The following KCNQ5 variants were observed in gnomAD, a reference collection of about 807,000 sequenced individuals.
The protein encoded by KCNQ5 is potassium voltage-gated channel subfamily Q member 5.
Under a neutral mutation model 98.2 loss-of-function variants are expected in KCNQ5, and 30 were observed. That is an observed-to-expected ratio of 0.31 (90% CI 0.23 to 0.41). The LOEUF is 0.41. KCNQ5 is among the 10% of genes least tolerant of loss of function. KCNQ5 has a pLI of 1.00. For missense variants in KCNQ5, 835 were observed against 1,182.5 expected, an observed-to-expected ratio of 0.71 and a Z score of 4.31; for synonymous variants, 458 against 449.4, an observed-to-expected ratio of 1.02 and a Z score of -0.24.
chr6:72,769,306 T>G (rs1772738758), intron 1 of KCNQ5, among the ~76,000 whole-genome samples: 2 of 152,096 alleles, frequency 1.3e-5, no homozygotes, highest in African/African-American at 4.8e-5. Context: ...AAATACATAC[T>G]TTTAAGGTAA....
intron 5 of KCNQ5, among the ~76,000 whole-genome samples, chr6:73,093,678 A>G (rs1774349545): frequency 6.6e-6 from 1 of 152,148 alleles, no homozygotes; most frequent in Non-Finnish European, 1.5e-5. Context: ...TGATCATTCA[A>G]GAGCAGGTTA....
At chr6:72,831,767 G>T (rs1345162982) in intron 1 of KCNQ5, among the ~76,000 whole-genome samples, 1 of 144,774 alleles carries the variant, frequency 6.9e-6, no homozygotes, top group African/African-American at 2.6e-5. Flanking sequence ...GAAAAAAAAA[G>T]AATGTCTTTA....
intron 1 of KCNQ5, among the ~76,000 whole-genome samples, chr6:72,808,954 C>T (rs995542915): frequency 1.9e-4 from 28 of 151,000 alleles, no homozygotes; most frequent in African/African-American, 5.4e-4. Context: ...ATGTTTATTG[C>T]AGCATTATTC....
At chr6:72,870,459 C>T (rs1311939418) in intron 1 of KCNQ5, among the ~76,000 whole-genome samples, 1 of 151,934 alleles carries the variant, frequency 6.6e-6, no homozygotes, top group Non-Finnish European at 1.5e-5. Flanking sequence ...CCATGTTGTC[C>T]AGGCTGCTCT....
At chr6:72,655,026 G>T (rs9446728) in intron 1 of KCNQ5, among the ~76,000 whole-genome samples, 31,332 of 105,216 alleles carry the variant, frequency 0.3, 5,443 homozygotes, top group East Asian at 0.61. Context: ...AGGTCTGTCT[G>T]TCTTTCTTTC....
chr6:72,680,632 T>C (rs1767659088), intron 1 of KCNQ5, among the ~76,000 whole-genome samples: 1 of 152,224 alleles, frequency 6.6e-6, no homozygotes, highest in Non-Finnish European at 1.5e-5. Flanking sequence ...ATAACCATTT[T>C]TTTACTCGTT....
chr6:73,084,363 T>G (rs1773897736), intron 5 of KCNQ5, among the ~76,000 whole-genome samples: 1 of 152,200 alleles, frequency 6.6e-6, no homozygotes, highest in South Asian at 2.1e-4. Context: ...TATTTATTTG[T>G]TTTTCTTTAT....
chr6:72,664,225 T>A (rs9293894), intron 1 of KCNQ5, among the ~76,000 whole-genome samples: 27,495 of 152,060 alleles, frequency 0.18, 3,835 homozygotes, highest in East Asian at 0.48. Context: ...AGTCTAAAGT[T>A]AATACAAAAA....
intron 1 of KCNQ5, among the ~76,000 whole-genome samples, chr6:72,701,645 T>C (rs1768814161): frequency 6.6e-6 from 1 of 151,852 alleles, no homozygotes; most frequent in Admixed American, 6.6e-5. Flanking sequence ...AGTGGCACCA[T>C]CATAACTCAC....
chr6:72,778,613 A>C (rs1192675241), intron 1 of KCNQ5, among the ~76,000 whole-genome samples: 3 of 152,208 alleles, frequency 2.0e-5, no homozygotes, highest in African/African-American at 7.2e-5. Context: ...CCACCACAAA[A>C]AAAAAGGTAA....
At chr6:72,926,295 C>G (rs1260570155) in intron 1 of KCNQ5, among the ~76,000 whole-genome samples, 4 of 152,096 alleles carry the variant, frequency 2.6e-5, no homozygotes, top group Admixed American at 2.6e-4. Flanking sequence ...GGAATCAGCT[C>G]ATGAAAAGTT....
At chr6:73,061,906 GA>G (rs1412443035) in intron 3 of KCNQ5, among the ~76,000 whole-genome samples, 1 of 151,950 alleles carries the variant, frequency 6.6e-6, no homozygotes, top group Non-Finnish European at 1.5e-5. Flanking sequence ...CCTACAATCA[GA>G]AAAAAATTAT....
At chr6:72,844,107 T>C (rs1382634732) in intron 1 of KCNQ5, among the ~76,000 whole-genome samples, 1 of 152,174 alleles carries the variant, frequency 6.6e-6, no homozygotes, top group Non-Finnish European at 1.5e-5. Flanking sequence ...TATACCTATG[T>C]AACAAACCTG....
Position 72,623,764 on chromosome 6 carries a change from G to T in KCNQ5, c.398+1177G>T, listed in dbSNP as rs547061250. Among the ~76,000 whole-genome samples, 72 of 152,134 alleles carry T rather than the reference G, an allele frequency of 4.7e-4. 1 individual carries two copies. The highest frequency in any genetic ancestry group is 1.7e-3 in the African/African-American group (71 of 41,474). Reference sequence around the variant, plus strand: ...CCAGTAGAGAAAGTTGCAGATACTCGCTGATACATTCCTTGTTTCCTAGTA... The same window carrying T: ...CCAGTAGAGAAAGTTGCAGATACTCTCTGATACATTCCTTGTTTCCTAGTA... On this transcript the variant is annotated intron_variant, in intron 1 of 13. Transcript: ENST00000370398.
chr6:73,115,382 T>C (rs1775449313), intron 7 of KCNQ5, among the ~76,000 whole-genome samples: 1 of 151,916 alleles, frequency 6.6e-6, no homozygotes, highest in Non-Finnish European at 1.5e-5. Context: ...ATCAAAGAAA[T>C]ACAACATTAT....
intron 3 of KCNQ5, among the ~76,000 whole-genome samples, chr6:73,076,200 G>A (rs554163237): frequency 5.3e-5 from 8 of 152,194 alleles, no homozygotes; most frequent in Non-Finnish European, 1.2e-4. Context: ...CTTTCTCAGT[G>A]CAGGGAGAAG....
rs567400560 is a variant in KCNQ5, at chr6:72,719,358, A to G, written c.398+96771A>G. On this transcript the variant is annotated intron_variant, in intron 1 of 13. Coordinates refer to ENST00000370398, the MANE Select transcript of KCNQ5 (RefSeq NM_019842.4). ...GTTTCCAAAGATAACTAGGCTCAGA[A>G]GCCCCTCTCTCATGGGTTTCTCTGA... 3.3e-5 allele frequency among the ~76,000 whole-genome samples: 5 copies of G among 152,342 alleles called. No homozygotes were observed. In the East Asian group the frequency reaches 9.6e-4, roughly 29 times the overall value.
chr6:72,669,740 C>T (rs1218479423), intron 1 of KCNQ5, among the ~76,000 whole-genome samples: 1 of 152,148 alleles, frequency 6.6e-6, no homozygotes, highest in Non-Finnish European at 1.5e-5. Flanking sequence ...TTTTCTGTCT[C>T]CCCTATTTTT....
chr6:73,089,775 G>GTATATA (rs70994160), intron 5 of KCNQ5, among the ~76,000 whole-genome samples: 11 of 150,716 alleles, frequency 7.3e-5, no homozygotes, highest in Non-Finnish European at 1.3e-4. Context: ...ATTCCATCAT[G>GTATATA]TATATATATA....
Sources: gnomAD v4.1 joint callset for allele counts (sites outside exome capture counted in the v4.1 genomes callset) on GRCh38, gnomAD v4.1.1 for gene constraint, MANE v1.5 for transcripts, NCBI Gene and HGNC (gene_info 2026-07-23, HGNC 2026-07-21) for gene names.